The following GPALPP1 variants were observed in gnomAD, a reference collection of about 807,000 sequenced individuals.
The protein encoded by GPALPP1 is GPALPP motifs-containing protein 1.
Under a neutral mutation model 38.9 loss-of-function variants are expected in GPALPP1, and 30 were observed. The observed-to-expected ratio is 0.77, with a 90% CI of 0.58 to 1.05. GPALPP1 has a LOEUF of 1.05. Ranked by LOEUF, GPALPP1 falls within the 50% of genes least tolerant of loss-of-function variation. The probability of loss-of-function intolerance (pLI) is 0.00; values close to 1 mark genes in which losing one functional copy is unlikely to be tolerated. For synonymous variants in GPALPP1, 120 were observed against 139.2 expected, an observed-to-expected ratio of 0.86 and a Z score of 0.97; for missense variants, 384 against 408.8, an observed-to-expected ratio of 0.94 and a Z score of 0.52.
chr13:45,033,054 G>T (rs962925834), downstream of GPALPP1, among the ~76,000 whole-genome samples: 6 of 151,424 alleles, frequency 4.0e-5, no homozygotes, highest in African/African-American at 7.3e-5. Context: ...AAAAAAAAGT[G>T]AGGTTGAGAT....
At chr13:44,991,552 C>T (rs562813356) in intron 1 of GPALPP1, among the ~76,000 whole-genome samples, 1 of 152,356 alleles carries the variant, frequency 6.6e-6, no homozygotes, top group South Asian at 2.1e-4. Flanking sequence ...ATAATCTCCC[C>T]TGCTATAATT....
At chr13:45,020,468 G>A in intron 7 of GPALPP1, 40 bp downstream of exon 7, 1 of 826,472 alleles carries the variant, frequency 1.2e-6, no homozygotes, top group Admixed American at 1.9e-5. Flanking sequence ...AGGTGTGATG[G>A]CTCTTGCCTA....
At chr13:45,018,090 A>G (rs1438023726) in intron 6 of GPALPP1, among the ~76,000 whole-genome samples, 1 of 152,116 alleles carries the variant, frequency 6.6e-6, no homozygotes, top group African/African-American at 2.4e-5. Flanking sequence ...AATTTAGCCA[A>G]TATGGCCTAA....
intron 4 of GPALPP1, among the ~76,000 whole-genome samples, chr13:45,010,133 C>A (rs1371305556): frequency 6.6e-6 from 1 of 152,166 alleles, no homozygotes; most frequent in African/African-American, 2.4e-5. Flanking sequence ...CTGATTTTAT[C>A]TTTTGCTTTG....
At chr13:45,024,587 C>T (rs373545388) in intron 7 of GPALPP1, among the ~76,000 whole-genome samples, 47 of 151,070 alleles carry the variant, frequency 3.1e-4, no homozygotes, top group Admixed American at 9.2e-4. Flanking sequence ...GTGTGAGCCA[C>T]GGCACCTGGC....
intron 1 of GPALPP1, among the ~76,000 whole-genome samples, chr13:44,999,966 A>G (rs1873554437): frequency 6.6e-6 from 1 of 152,214 alleles, no homozygotes; most frequent in South Asian, 2.1e-4. Context: ...ATAGAAATTA[A>G]TGGTACTATG....
intron 1 of GPALPP1, chr13:44,990,430 A>G (rs938155847): frequency 6.5e-6 from 1 of 154,156 alleles, no homozygotes; most frequent in African/African-American, 2.4e-5. Flanking sequence ...TCCCCGAAGC[A>G]TTGTCATGCC....
At chr13:45,036,789 ATAAAAAT>A (rs1432316607) in exon 8 of GPALPP1, 1 of 152,142 alleles carries the variant, frequency 6.6e-6, no homozygotes, top group Non-Finnish European at 1.5e-5. Flanking sequence ...CTACAAAAAA[ATAAAAAT>A]TAAAAATTAT....
chr13:45,007,317 T>C (rs1484127297), intron 3 of GPALPP1, among the ~76,000 whole-genome samples: 2 of 152,184 alleles, frequency 1.3e-5, no homozygotes, highest in Non-Finnish European at 2.9e-5. Flanking sequence ...TTGGCAATAA[T>C]AAAATGTATG....
At chr13:45,012,948 A>G (rs1874585112) in intron 4 of GPALPP1, among the ~76,000 whole-genome samples, 1 of 152,138 alleles carries the variant, frequency 6.6e-6, no homozygotes. Context: ...CTTAATCCAA[A>G]CAACAATCCA....
intron 6 of GPALPP1, among the ~76,000 whole-genome samples, chr13:45,016,411 G>T (rs534229304): frequency 6.6e-6 from 1 of 151,948 alleles, no homozygotes; most frequent in African/African-American, 2.4e-5. Context: ...CCAAGATTGC[G>T]CCGCTGCACT....
chr13:44,989,625 C>T lies in GPALPP1; in HGVS notation c.-30C>T. On this transcript the variant is annotated 5_prime_UTR_variant, in exon 1 of 8. Transcript: ENST00000379151. ...TAGGGTTGACGTTCGTGGATAGACTCATATCTGTGACCAGTGTCCGCCACC... is the reference window on the plus strand; with the variant it reads ...TAGGGTTGACGTTCGTGGATAGACTTATATCTGTGACCAGTGTCCGCCACC... 2 of 1,586,862 alleles carry T rather than the reference C, an allele frequency of 1.3e-6. No homozygotes were observed. The highest frequency in any genetic ancestry group is 2.7e-5 in the African/African-American group (2 of 74,484).
At chr13:45,012,039 C>A (rs993674054) in intron 4 of GPALPP1, among the ~76,000 whole-genome samples, 3 of 152,150 alleles carry the variant, frequency 2.0e-5, no homozygotes, top group African/African-American at 7.2e-5. Context: ...TGAGGGAATT[C>A]AAAGCCAGAC....
chr13:45,001,369 G>A (rs1873659938), intron 1 of GPALPP1, among the ~76,000 whole-genome samples: 1 of 152,138 alleles, frequency 6.6e-6, no homozygotes, highest in Non-Finnish European at 1.5e-5. Context: ...CTTCATAGCA[G>A]CATGAGAACG....
chr13:45,026,739 A>G (rs919796159), intron 7 of GPALPP1, among the ~76,000 whole-genome samples: 1 of 152,208 alleles, frequency 6.6e-6, no homozygotes, highest in Non-Finnish European at 1.5e-5. Flanking sequence ...CCATTTCTAA[A>G]GGACACTACA....
In GPALPP1 at chr13:45,027,854, A is replaced by G. The variant is rs1045069851; in HGVS notation, c.874A>G (p.Lys292Glu). Reference protein sequence around the residue: ...KKLKSKAAEDKNKPQERIPFD... With the variant: ...KKLKSKAAEDENKPQERIPFD... ...GTTAAAGAGTAAGGCTGCTGAAGACAAAAATAAGCCTCAAGAGAGAATACC... is the reference window on the plus strand; with the variant it reads ...GTTAAAGAGTAAGGCTGCTGAAGACGAAAATAAGCCTCAAGAGAGAATACC... The change falls in exon 8 of 8, where the codon AAA (lysine) becomes GAA (glutamate). Residue 292 changes from lysine to glutamate, a missense_variant. By Grantham distance (56) the Lys-to-Glu change is moderately conservative. Coordinates refer to ENST00000379151, the MANE Select transcript of GPALPP1 (RefSeq NM_018559.5). The G allele has an allele frequency of 6.8e-6, 11 of 1,606,520 alleles. No homozygotes were observed. Among genetic ancestry groups the G allele is most frequent in the African/African-American group, 2.7e-5 (2 of 74,754 alleles).
intron 7 of GPALPP1, among the ~76,000 whole-genome samples, chr13:45,022,029 A>G (rs140763055): frequency 1.2e-4 from 18 of 152,362 alleles, no homozygotes; most frequent in African/African-American, 3.8e-4. Context: ...TGCTTTATTC[A>G]TAATAGTTAA....
At chr13:45,031,829 C>T (rs1876210581), downstream of GPALPP1, 1 of 152,200 alleles carries the variant, frequency 6.6e-6, no homozygotes. Context: ...TGAATCAAGT[C>T]TCCTTTCCAT....
At chr13:45,016,841 T>A (rs1159370019) in intron 6 of GPALPP1, among the ~76,000 whole-genome samples, 3 of 152,120 alleles carry the variant, frequency 2.0e-5, no homozygotes, top group Non-Finnish European at 4.4e-5. Flanking sequence ...GACAAGGCCT[T>A]GCTATGTTGT....
Sources: gnomAD v4.1 joint callset for allele counts (sites outside exome capture counted in the v4.1 genomes callset) on GRCh38, gnomAD v4.1.1 for gene constraint, MANE v1.5 for transcripts, NCBI Gene and HGNC (gene_info 2026-07-23, HGNC 2026-07-21) for gene names.